Variants in CCNY observed in about 807,000 individuals in gnomAD.
CCNY encodes cyclin-Y.
CCNY carries 19 observed loss-of-function variants against 42.8 expected under a neutral mutation model. The observed-to-expected ratio is 0.44, with a 90% CI of 0.31 to 0.65. CCNY has a LOEUF of 0.65. Among genes scored for constraint, CCNY ranks in the 30% least tolerant of loss-of-function variants. The pLI, the probability that CCNY is intolerant of heterozygous loss-of-function variation, is 0.07. For synonymous variants in CCNY, 165 were observed against 162.7 expected (o/e 1.01, Z -0.11); for missense variants, 370 against 437.3 (o/e 0.85, Z 1.37).
At chr10:35,383,233 G>A (rs1837228976) in intron 1 of CCNY, among the ~76,000 whole-genome samples, 2 of 152,174 alleles carry the variant, frequency 1.3e-5, no homozygotes, top group South Asian at 4.1e-4. Context: ...TTAGAATAAT[G>A]ACGTTGAATC....
At chr10:35,413,667 AGG>A (rs1415504908) in intron 1 of CCNY, among the ~76,000 whole-genome samples, 2 of 152,210 alleles carry the variant, frequency 1.3e-5, no homozygotes, top group African/African-American at 4.8e-5. Context: ...GAGCACAACC[AGG>A]GAAGGTGATG....
chr10:35,360,948 C>T (rs1836671022), intron 1 of CCNY, among the ~76,000 whole-genome samples: 1 of 152,132 alleles, frequency 6.6e-6, no homozygotes, highest in African/African-American at 2.4e-5. Flanking sequence ...GCAGCCTCTG[C>T]CTCCCGGGTT....
At chr10:35,411,172 A>G (rs1346436987) in intron 1 of CCNY, among the ~76,000 whole-genome samples, 1 of 152,174 alleles carries the variant, frequency 6.6e-6, no homozygotes, top group Non-Finnish European at 1.5e-5. Flanking sequence ...GATTCTAGCT[A>G]ATAATGTTGA....
chr10:35,537,793 T>C (rs1206982016), intron 7 of CCNY, among the ~76,000 whole-genome samples: 2 of 152,178 alleles, frequency 1.3e-5, no homozygotes, highest in Non-Finnish European at 2.9e-5. Context: ...GGACTTGCCT[T>C]GTCTCAGATG....
chr10:35,520,171 G>A (rs543664335), intron 4 of CCNY, among the ~76,000 whole-genome samples: 1 of 152,152 alleles, frequency 6.6e-6, no homozygotes, highest in Non-Finnish European at 1.5e-5. Flanking sequence ...CTCACACTTG[G>A]TGTAGCTAAA....
At chr10:35,475,378 C>A (rs1839484695) in intron 1 of CCNY, among the ~76,000 whole-genome samples, 1 of 152,070 alleles carries the variant, frequency 6.6e-6, no homozygotes, top group African/African-American at 2.4e-5. Flanking sequence ...ATGTTAAGGG[C>A]AGCCAGAGAG....
intron 3 of CCNY, among the ~76,000 whole-genome samples, chr10:35,277,767 C>T (rs1301843903): frequency 6.6e-6 from 1 of 151,718 alleles, no homozygotes; most frequent in African/African-American, 2.4e-5. Context: ...ACAGAGCTCA[C>T]ATTTGTATGT....
intron 1 of CCNY, among the ~76,000 whole-genome samples, chr10:35,378,105 T>C (rs1420554895): frequency 6.6e-6 from 1 of 152,268 alleles, no homozygotes; most frequent in African/African-American, 2.4e-5. Flanking sequence ...TGTTAAAGTT[T>C]ATTGATCTGT....
At chr10:35,480,923 A>T (rs1326761473) in intron 1 of CCNY, among the ~76,000 whole-genome samples, 3 of 152,182 alleles carry the variant, frequency 2.0e-5, no homozygotes, top group Non-Finnish European at 4.4e-5. Context: ...CCATGATTGC[A>T]CTACTGCACT....
chr10:35,478,773 G>T (rs1457395572), intron 1 of CCNY, among the ~76,000 whole-genome samples: 3 of 152,152 alleles, frequency 2.0e-5, no homozygotes, highest in Non-Finnish European at 2.9e-5. Context: ...GGCAACAAAA[G>T]CCAAAATTGA....
Position 35,519,776 on chromosome 10 carries a change from C to CTTTTTTTTT in CCNY, c.365+3170_365+3178dup, listed in dbSNP as rs1177122335. On this transcript the variant is annotated intron_variant, in intron 4 of 9. Coordinates refer to ENST00000374704, the MANE Select transcript of CCNY (RefSeq NM_145012.6). Reference sequence around the variant, plus strand: ...AAGTATCTTCTTTTTCTTTTCTTTTCTTTTTTTTTTTTTTTTTTTTTTTTT... The same window carrying CTTTTTTTTT: ...AAGTATCTTCTTTTTCTTTTCTTTTCTTTTTTTTTTTTTTTTTTTTTTTTTTTTTTTTTT... Among the ~76,000 whole-genome samples, 276 of 74,666 alleles carry CTTTTTTTTT rather than the reference C, an allele frequency of 3.7e-3. 12 individuals are homozygous for CTTTTTTTTT. Among genetic ancestry groups the CTTTTTTTTT allele is most frequent in the African/African-American group, 4.5e-3 (79 of 17,390 alleles). 49.0% of individuals were successfully genotyped at this position (74,666 alleles called of 152,430 possible).
intron 1 of CCNY, among the ~76,000 whole-genome samples, chr10:35,479,369 AT>A (rs1222007413): frequency 6.8e-6 from 1 of 146,092 alleles, no homozygotes; most frequent in South Asian, 2.2e-4. Flanking sequence ...ATGTCCAACA[AT>A]GATAGACTGG....
At chr10:35,394,581 C>T (rs1404645213) in intron 1 of CCNY, among the ~76,000 whole-genome samples, 1 of 152,170 alleles carries the variant, frequency 6.6e-6, no homozygotes, top group African/African-American at 2.4e-5. Flanking sequence ...ATTGTTTGGA[C>T]CGGTCAGAGG....
intron 4 of CCNY, among the ~76,000 whole-genome samples, chr10:35,523,715 A>G (rs1840595064): frequency 6.6e-6 from 1 of 152,148 alleles, no homozygotes; most frequent in Non-Finnish European, 1.5e-5. Context: ...AATAATAGTA[A>G]CTTTTCTTTT....
intron 7 of CCNY, among the ~76,000 whole-genome samples, chr10:35,538,390 G>GT (rs888127306): frequency 6.6e-6 from 1 of 152,182 alleles, no homozygotes; most frequent in African/African-American, 2.4e-5. Flanking sequence ...CAGATTGACT[G>GT]TTTTTCAAAG....
At chr10:35,499,476 C>T (rs1168506650) in intron 2 of CCNY, among the ~76,000 whole-genome samples, 5 of 152,220 alleles carry the variant, frequency 3.3e-5, no homozygotes, top group East Asian at 1.9e-4. Context: ...GGTGGGGACA[C>T]AGCCAAACCA....
chr10:35,532,687 TG>T (rs142512939), intron 7 of CCNY, among the ~76,000 whole-genome samples: 53 of 152,350 alleles, frequency 3.5e-4, no homozygotes, highest in African/African-American at 1.1e-3. Context: ...CTGCAGCAGC[TG>T]GAGGAAGCCA....
intron 3 of CCNY, among the ~76,000 whole-genome samples, chr10:35,514,715 A>G (rs1281484669): frequency 6.6e-6 from 1 of 152,254 alleles, no homozygotes; most frequent in Non-Finnish European, 1.5e-5. Context: ...TGAAACCCAC[A>G]AGAAACACAA....
intron 3 of CCNY, among the ~76,000 whole-genome samples, chr10:35,301,698 G>A (rs201770456): frequency 6.6e-6 from 1 of 152,018 alleles, no homozygotes; most frequent in African/African-American, 2.4e-5. Flanking sequence ...GCATGATCAC[G>A]GCTCACAGAA....
Sources: gnomAD v4.1 joint callset for allele counts (sites outside exome capture counted in the v4.1 genomes callset) on GRCh38, gnomAD v4.1.1 for gene constraint, MANE v1.5 for transcripts, NCBI Gene and HGNC (gene_info 2026-07-23, HGNC 2026-07-21) for gene names.